MIS18A: variants seen among roughly 807,000 people sequenced by gnomAD.
MIS18A encodes the protein MIS18 kinetochore protein A.
A neutral mutation model predicts 25.0 loss-of-function variants in MIS18A; 14 were observed. The observed-to-expected ratio is 0.56, with a 90% CI of 0.37 to 0.88. The LOEUF (loss-of-function observed/expected upper bound fraction) is 0.88. Ranked by LOEUF, MIS18A falls within the 40% of genes least tolerant of loss-of-function variation. MIS18A has a pLI of 0.00. For synonymous variants in MIS18A, 134 were observed against 118.6 expected, an observed-to-expected ratio of 1.13 and a Z score of -0.84; for missense variants, 292 against 290.8, an observed-to-expected ratio of 1.00 and a Z score of -0.03.
At chr21:32,260,699 T>C in the MIS18A span, 1 of 152,240 alleles carries the variant, frequency 6.6e-6, no homozygotes, top group Non-Finnish European at 1.5e-5. Context: ...TTGTTTGTTT[T>C]TGGTTTCATA....
chr21:32,249,432 GT>G, the MIS18A span, among the ~76,000 whole-genome samples: 3 of 152,172 alleles, frequency 2.0e-5, no homozygotes, highest in East Asian at 5.8e-4. Context: ...CACTGTTTGT[GT>G]TTCTATTATA....
chr21:32,190,218 CTCT>C, the MIS18A span, among the ~76,000 whole-genome samples: 1 of 152,322 alleles, frequency 6.6e-6, no homozygotes, highest in Non-Finnish European at 1.5e-5. Flanking sequence ...CTCTCTCTCT[CTCT>C]TTTCTTCTTT....
At chr21:32,212,465 A>C in the MIS18A span, among the ~76,000 whole-genome samples, 1 of 151,958 alleles carries the variant, frequency 6.6e-6, no homozygotes, top group Non-Finnish European at 1.5e-5. Context: ...GAGAAGTCAG[A>C]CTCTCACACC....
the MIS18A span, among the ~76,000 whole-genome samples, chr21:32,176,946 G>A: frequency 6.6e-6 from 1 of 152,020 alleles, no homozygotes; most frequent in African/African-American, 2.4e-5. Context: ...ATTACAAGAA[G>A]AGAAAATTAC....
chr21:32,244,219 G>T, the MIS18A span, among the ~76,000 whole-genome samples: 3 of 152,038 alleles, frequency 2.0e-5, no homozygotes, highest in African/African-American at 7.2e-5. Flanking sequence ...AAACCATAGC[G>T]ACAGAAGAAA....
the MIS18A span, among the ~76,000 whole-genome samples, chr21:32,244,381 T>C: frequency 6.6e-6 from 1 of 152,112 alleles, no homozygotes; most frequent in Admixed American, 6.5e-5. Context: ...CATCAAATTG[T>C]ACATTTCATT....
chr21:32,277,109 G>A (rs117443668), intron 1 of MIS18A, among the ~76,000 whole-genome samples: 1 of 152,090 alleles, frequency 6.6e-6, no homozygotes, highest in Non-Finnish European at 1.5e-5. Flanking sequence ...AAATGAATCC[G>A]AGTTCATTTA....
chr21:32,247,376 C>G, the MIS18A span, among the ~76,000 whole-genome samples: 1 of 152,134 alleles, frequency 6.6e-6, no homozygotes, highest in African/African-American at 2.4e-5. Context: ...TAGTGCTTTG[C>G]AGAGAGAAGA....
chr21:32,274,177 T>A (rs1213245717), intron 2 of MIS18A, among the ~76,000 whole-genome samples: 1 of 150,672 alleles, frequency 6.6e-6, no homozygotes, highest in African/African-American at 2.4e-5. Context: ...GATTTTATAA[T>A]ATAGGTATTT....
chr21:32,204,552 C>A, the MIS18A span, among the ~76,000 whole-genome samples: 1 of 151,262 alleles, frequency 6.6e-6, no homozygotes, highest in South Asian at 2.1e-4. Context: ...GGGAAAAAAT[C>A]CAAAGGTACA....
chr21:32,173,199 T>C, the MIS18A span, among the ~76,000 whole-genome samples: 1 of 152,152 alleles, frequency 6.6e-6, no homozygotes, highest in Admixed American at 6.5e-5. Context: ...ATCATAGGAA[T>C]GAATGCTCAG....
chr21:32,250,561 T>C, the MIS18A span, among the ~76,000 whole-genome samples: 2 of 152,122 alleles, frequency 1.3e-5, no homozygotes, highest in Non-Finnish European at 2.9e-5. Flanking sequence ...TCCACTTTCT[T>C]CTCCAGCTCT....
chr21:32,262,469 C>T, the MIS18A span, among the ~76,000 whole-genome samples: 3 of 152,196 alleles, frequency 2.0e-5, no homozygotes, highest in Admixed American at 6.5e-5. Flanking sequence ...TGACAAGCCC[C>T]GCAGCTCCTG....
the MIS18A span, among the ~76,000 whole-genome samples, chr21:32,214,154 C>T: frequency 4.6e-5 from 7 of 152,164 alleles, no homozygotes; most frequent in African/African-American, 1.4e-4. Flanking sequence ...ATGGTGCCCA[C>T]GCCCTTGACC....
chr21:32,200,057 C>T, the MIS18A span, among the ~76,000 whole-genome samples: 1 of 152,160 alleles, frequency 6.6e-6, no homozygotes, highest in East Asian at 1.9e-4. Flanking sequence ...CGGCAGTTGC[C>T]TGAGGCTGAG....
At chr21:32,261,436 G>C in the MIS18A span, 30 of 152,210 alleles carry the variant, frequency 2.0e-4, no homozygotes, top group African/African-American at 7.0e-4. Context: ...GCCACGGGAG[G>C]GCTCTTTGTC....
chr21:32,195,263 CTAT>C, the MIS18A span, among the ~76,000 whole-genome samples: 1 of 152,164 alleles, frequency 6.6e-6, no homozygotes, highest in Admixed American at 6.5e-5. Flanking sequence ...TCTTTGGTGT[CTAT>C]TGGTTTCAAA....
the MIS18A span, among the ~76,000 whole-genome samples, chr21:32,263,002 C>T: frequency 6.6e-6 from 1 of 152,104 alleles, no homozygotes; most frequent in African/African-American, 2.4e-5. Context: ...GATTAGCTGC[C>T]TAAATAGTGA....
the MIS18A span, among the ~76,000 whole-genome samples, chr21:32,227,686 C>G: frequency 6.6e-6 from 1 of 152,152 alleles, no homozygotes; most frequent in Non-Finnish European, 1.5e-5. Context: ...AGAGGGAGAA[C>G]GTTTCCCAAC....
Sources: allele counts gnomAD v4.1 joint callset (sites outside exome capture counted in the v4.1 genomes callset), GRCh38; gene constraint gnomAD v4.1.1; transcripts MANE v1.5; gene names NCBI Gene and HGNC (gene_info 2026-07-23, HGNC 2026-07-21).